NRG1: variants seen among roughly 807,000 people sequenced by gnomAD.
NRG1 encodes the protein pro-neuregulin-1, membrane-bound isoform.
NRG1 carries 18 observed loss-of-function variants against 63.8 expected under a neutral mutation model. The ratio of observed to expected loss-of-function variants is 0.28; its 90% CI spans 0.19 to 0.42. NRG1 has a LOEUF of 0.42. Among genes scored for constraint, NRG1 ranks in the 10% least tolerant of loss-of-function variants. NRG1 has a pLI of 1.00. For synonymous variants in NRG1, 302 were observed against 301.3 expected, an observed-to-expected ratio of 1.00 and a Z score of -0.02; for missense variants, 762 against 814.7, an observed-to-expected ratio of 0.94 and a Z score of 0.79.
At chr8:32,661,589 T>G (rs1254761447) in intron 5 of NRG1, among the ~76,000 whole-genome samples, 2 of 151,452 alleles carry the variant, frequency 1.3e-5, no homozygotes, top group African/African-American at 2.4e-5. Context: ...AAACACGGGC[T>G]GGTCTAAAAA....
chr8:32,125,828 T>C (rs972758434), intron 1 of NRG1, among the ~76,000 whole-genome samples: 1 of 152,044 alleles, frequency 6.6e-6, no homozygotes, highest in Admixed American at 6.6e-5. Context: ...GATTGTATCA[T>C]AACTTAGTTT....
At chr8:32,183,902 C>T (rs2132127151) in intron 1 of NRG1, among the ~76,000 whole-genome samples, 1 of 152,302 alleles carries the variant, frequency 6.6e-6, no homozygotes, top group East Asian at 1.9e-4. Flanking sequence ...CTCAGCCCAT[C>T]TCTCTTCTTG....
chr8:32,679,194 G>A (rs534977669), intron 5 of NRG1, among the ~76,000 whole-genome samples: 1 of 152,184 alleles, frequency 6.6e-6, no homozygotes, highest in African/African-American at 2.4e-5. Flanking sequence ...CTAGACAAAT[G>A]ACTGATTAGT....
chr8:32,379,078 A>T (rs1587218493), intron 1 of NRG1, among the ~76,000 whole-genome samples: 1 of 49,538 alleles, frequency 2.0e-5, no homozygotes, highest in East Asian at 2.3e-4. Context: ...CGCAATAAAC[A>T]TATCTTTTTT....
rs547177826 is a variant in NRG1, at chr8:32,197,279, G to A, written c.38-398549G>A. The stretch of plus-strand genomic sequence containing the variant: ...GCCCAGCCTAGAACATTCTTTCTTG[G>A]AAAGGAAGAACATCACAGCCTTCTG... On this transcript the variant is annotated intron_variant, in intron 1 of 10. Transcript: ENST00000519301. Among the ~76,000 whole-genome samples the A allele has an allele frequency of 2.0e-5, 3 of 152,162 alleles. No individual in the cohort carries two copies. The East Asian group carries it at 5.8e-4, about 29-fold the overall frequency.
intron 1 of NRG1, among the ~76,000 whole-genome samples, chr8:32,492,009 A>T (rs1234638696): frequency 2.0e-5 from 3 of 152,252 alleles, no homozygotes; most frequent in Non-Finnish European, 2.9e-5. Flanking sequence ...ATCAGTATAG[A>T]ATATCATGTA....
At chr8:32,041,462 C>G (rs1478159048) in intron 1 of NRG1, among the ~76,000 whole-genome samples, 1 of 152,154 alleles carries the variant, frequency 6.6e-6, no homozygotes, top group Non-Finnish European at 1.5e-5. Flanking sequence ...CTGAGAAAGA[C>G]CAGACCTGAA....
At chr8:32,132,789 G>A (rs970029335) in intron 1 of NRG1, among the ~76,000 whole-genome samples, 16 of 152,004 alleles carry the variant, frequency 1.1e-4, no homozygotes, top group Admixed American at 3.3e-4. Context: ...TAGAGAATTC[G>A]CTTCCTGTTT....
intron 1 of NRG1, among the ~76,000 whole-genome samples, chr8:31,990,518 T>G (rs1435536439): frequency 2.6e-5 from 4 of 152,092 alleles, no homozygotes. Context: ...GCATTTCTAG[T>G]TGCAGCATAG....
chr8:31,715,874 C>T lies in NRG1; in HGVS notation c.37+76443C>T, dbSNP rs138547625. 3.3e-5 allele frequency among the ~76,000 whole-genome samples: 5 copies of T among 152,198 alleles called. No homozygotes were observed. In the East Asian group the frequency reaches 7.7e-4, roughly 23 times the overall value. On this transcript the variant is annotated intron_variant, in intron 1 of 10. Transcript: ENST00000519301. ...GGTATCAAAGGGCAGGGAGGTTTTA[C>T]CTGACATATGAATTATTGTTTCATG...
intron 1 of NRG1, among the ~76,000 whole-genome samples, chr8:31,677,248 G>A (rs1250988641): frequency 1.3e-5 from 2 of 152,082 alleles, no homozygotes; most frequent in East Asian, 3.9e-4. Context: ...GTTTAAGAAT[G>A]TGTCTTAAGA....
At chr8:32,558,319 A>G (rs1052720324) in intron 1 of NRG1, among the ~76,000 whole-genome samples, 5 of 152,206 alleles carry the variant, frequency 3.3e-5, no homozygotes, top group Non-Finnish European at 7.3e-5. Flanking sequence ...CTAAACTTAA[A>G]AAGCCCAGTG....
chr8:32,195,310 A>G (rs561344313), intron 1 of NRG1, among the ~76,000 whole-genome samples: 1 of 151,992 alleles, frequency 6.6e-6, no homozygotes, highest in Non-Finnish European at 1.5e-5. Flanking sequence ...TGTAGTGTAC[A>G]CACCTATTGT....
At chr8:32,319,967 T>C (rs2129476670) in intron 1 of NRG1, among the ~76,000 whole-genome samples, 1 of 152,260 alleles carries the variant, frequency 6.6e-6, no homozygotes, top group East Asian at 1.9e-4. Context: ...GTGCGTGACC[T>C]TAGCCCCAGG....
intron 1 of NRG1, among the ~76,000 whole-genome samples, chr8:32,189,175 G>A (rs1377358500): frequency 1.3e-5 from 2 of 151,970 alleles, no homozygotes; most frequent in Admixed American, 6.6e-5. Flanking sequence ...TTTGTTACAT[G>A]GCATCACCTA....
upstream of NRG1, among the ~76,000 whole-genome samples, chr8:32,547,279 G>A (rs952189599): frequency 9.9e-5 from 15 of 152,106 alleles, no homozygotes; most frequent in Non-Finnish European, 1.9e-4. Context: ...GGAGGACAAG[G>A]GAAGGAGTAG....
rs551848200 is a variant in NRG1 at position 32,393,575 on chromosome 8, C to A, written c.38-202253C>A. Among the ~76,000 whole-genome samples the A allele has an allele frequency of 4.6e-5, 7 of 152,260 alleles. No individual in the cohort carries two copies. In the East Asian group the frequency reaches 1.4e-3, roughly 29 times the overall value. Reference sequence around the variant, plus strand: ...GCCATAAAAAGAACAAATTTATGTCCTTTACAGGAACATGGATGGAGCTGG... The same window carrying A: ...GCCATAAAAAGAACAAATTTATGTCATTTACAGGAACATGGATGGAGCTGG... On this transcript the variant is annotated intron_variant, in intron 1 of 10. Transcript: ENST00000519301.
chr8:32,746,001 A>T (rs549223145), intron 7 of NRG1, among the ~76,000 whole-genome samples: 80 of 152,192 alleles, frequency 5.3e-4, no homozygotes, highest in Non-Finnish European at 9.9e-4. Flanking sequence ...TCTAAATGCA[A>T]CCTGTTGAAA....
intron 1 of NRG1, among the ~76,000 whole-genome samples, chr8:32,284,307 T>C (rs1853234868): frequency 6.6e-6 from 1 of 152,094 alleles, no homozygotes; most frequent in South Asian, 2.1e-4. Context: ...CTCCTAGTAA[T>C]TTTCCATCCA....
Sources: allele counts gnomAD v4.1 joint callset (sites outside exome capture counted in the v4.1 genomes callset), GRCh38; gene constraint gnomAD v4.1.1; transcripts MANE v1.5; gene names NCBI Gene and HGNC (gene_info 2026-07-23, HGNC 2026-07-21).